SEC16B: variants seen among roughly 807,000 people sequenced by gnomAD.
The protein encoded by SEC16B is protein transport protein Sec16B.
Under a neutral mutation model 141.8 loss-of-function variants are expected in SEC16B, and 115 were observed. The ratio of observed to expected loss-of-function variants is 0.81; its 90% CI spans 0.70 to 0.95. SEC16B has a LOEUF of 0.95. SEC16B is among the 40% of genes least tolerant of loss of function. The pLI is 0.00. For synonymous variants in SEC16B, 493 were observed against 492.5 expected (o/e 1.00, Z -0.01); for missense variants, 1,291 against 1,312.3 (o/e 0.98, Z 0.25).
At chr1:177,936,441 G>T in intron 19 of SEC16B, 76 bp from the exon 20 acceptor site, 1 of 1,264,540 alleles carries the variant, frequency 7.9e-7, no homozygotes, top group Non-Finnish European at 1.1e-6. Context: ...GGGTAACTGG[G>T]ACACAATCAG....
At chr1:177,934,090 A>G (rs1263062906) in intron 20 of SEC16B, among the ~76,000 whole-genome samples, 1 of 151,820 alleles carries the variant, frequency 6.6e-6, no homozygotes, top group South Asian at 2.1e-4. Context: ...CTGTGAACAT[A>G]TGCACCAAAG....
At chr1:177,938,495 T>C (rs1651032428) in intron 18 of SEC16B, among the ~76,000 whole-genome samples, 1 of 152,258 alleles carries the variant, frequency 6.6e-6, no homozygotes, top group Non-Finnish European at 1.5e-5. Context: ...ACTTAAATTC[T>C]TGTCTTACCT....
intron 1 of SEC16B, among the ~76,000 whole-genome samples, chr1:177,975,336 A>T (rs1257339054): frequency 6.6e-6 from 1 of 152,228 alleles, no homozygotes; most frequent in East Asian, 1.9e-4. Context: ...GACACCTTAA[A>T]TGTATACCAG....
chr1:177,947,795 G>T (rs752266132), intron 13 of SEC16B, 30 bp downstream of exon 13: 4 of 1,405,298 alleles, frequency 2.8e-6, no homozygotes, highest in Non-Finnish European at 3.9e-6. Context: ...ACAGGGAGGG[G>T]AGCGGAGGGG....
intron 20 of SEC16B, among the ~76,000 whole-genome samples, chr1:177,934,804 G>T (rs962206185): frequency 6.6e-6 from 1 of 152,148 alleles, no homozygotes; most frequent in Non-Finnish European, 1.5e-5. Context: ...TGTTATATAT[G>T]AGTGAGAAAA....
chr1:177,942,893 C>T (rs1651390954), intron 15 of SEC16B, among the ~76,000 whole-genome samples: 1 of 152,122 alleles, frequency 6.6e-6, no homozygotes, highest in Non-Finnish European at 1.5e-5. Flanking sequence ...CTCTCTACAA[C>T]ATGGGAATAC....
Position 177,967,951 on chromosome 1 carries a change from G to C in SEC16B, c.31C>G (p.Gln11Glu), listed in dbSNP as rs1471867886. The change falls in exon 2 of 26, where the codon CAG (glutamine) becomes GAG (glutamate). Residue 11 changes from glutamine (Q) to glutamate (E), a missense_variant. Physicochemically the swap from Gln to Glu is conservative, Grantham distance 29. Coordinates refer to ENST00000308284, the MANE Select transcript of SEC16B (RefSeq NM_033127.4). MELWAPQRLP[Q>E]TRGKATAPSK... The stretch of plus-strand genomic sequence containing the variant: ...GGTGCTGTGGCCTTCCCTCGTGTCT[G>C]GGGCAGCCTCTGGGGAGCCCAAAGT... 1 of 1,611,884 alleles carries C rather than the reference G, an allele frequency of 6.2e-7. No homozygotes were observed. Among genetic ancestry groups the C allele is most frequent in the South Asian group, 1.1e-5 (1 of 90,986 alleles).
upstream of SEC16B, among the ~76,000 whole-genome samples, chr1:177,974,123 CT>C (rs5778969): frequency 0.31 from 46,976 of 150,014 alleles, 8,190 homozygotes; most frequent in East Asian, 0.5. Flanking sequence ...GAAATGCTAC[CT>C]TTTTTTTTTA....
Position 177,940,618 on chromosome 1 carries a change from G to A in SEC16B, c.2119C>T (p.Gln707Ter), listed in dbSNP as rs1280355421. Reference sequence around the variant, plus strand: ...GCTCCAATCCCACTCACCTCCAGCTGCCTCCGAAGTTGCGCTAGCCAATCT... The same window carrying A: ...GCTCCAATCCCACTCACCTCCAGCTACCTCCGAAGTTGCGCTAGCCAATCT... ...EPDWLAQLRR[Q>*]LEQKVAGDIG... Residue 707 changes from glutamine (Q) to a stop codon, truncating the protein, a stop_gained, in exon 17 of 26, where the codon CAG becomes TAG. Transcript: ENST00000308284. LOFTEE classifies it high-confidence loss of function. The A allele has an allele frequency of 1.9e-6, 3 of 1,612,908 alleles. No individual in the cohort carries two copies. The highest frequency in any genetic ancestry group is 1.7e-4 in the Middle Eastern group (1 of 6,028).
intron 24 of SEC16B, among the ~76,000 whole-genome samples, chr1:177,931,790 T>C (rs1331350900): frequency 6.6e-6 from 1 of 152,206 alleles, no homozygotes; most frequent in East Asian, 1.9e-4. Context: ...AAGAGTTATC[T>C]AACCAGACTT....
intron 1 of SEC16B, among the ~76,000 whole-genome samples, chr1:177,981,774 A>G (rs939987485): frequency 1.3e-5 from 2 of 152,308 alleles, no homozygotes; most frequent in African/African-American, 4.8e-5. Flanking sequence ...AGGACAATGT[A>G]CTGGAGGTGT....
intron 16 of SEC16B, 64 bp downstream of exon 16, chr1:177,941,836 C>G: frequency 6.4e-7 from 1 of 1,563,970 alleles, no homozygotes; most frequent in South Asian, 1.2e-5. Flanking sequence ...CTAAGCTGCT[C>G]TACGATGGCT....
intron 1 of SEC16B, among the ~76,000 whole-genome samples, chr1:177,981,472 C>T (rs1421701353): frequency 1.3e-5 from 2 of 152,138 alleles, no homozygotes; most frequent in Admixed American, 1.3e-4. Context: ...AGAATGTCAA[C>T]CTACAGCAGC....
At chr1:177,972,303 G>A (rs1653994555), upstream of SEC16B, among the ~76,000 whole-genome samples, 2 of 152,220 alleles carry the variant, frequency 1.3e-5, no homozygotes, top group African/African-American at 4.8e-5. Flanking sequence ...AAAGGGTTTA[G>A]GATTTATCAT....
At position 177,939,635 on chromosome 1, in the gene SEC16B, A is replaced by G. The variant is rs868857247; in HGVS notation, c.2203+67T>C. 39 of 1,319,684 alleles carry G rather than the reference A, an allele frequency of 3.0e-5. 1 individual carries two copies. The Middle Eastern group carries it at 4.9e-3, about 165-fold the overall frequency. 81.7% of individuals were successfully genotyped at this position (1,319,684 alleles called of 1,614,324 possible). A position where few individuals can be genotyped will look rare whatever the true frequency, so the allele number is the denominator to read the frequency against. ...CAAAGGGCGAGTGCTTTCATAAATT[A>G]CTTTGTCTCGTAGAATCAGATCCTG... On this transcript the variant is annotated intron_variant, in intron 18 of 25. Coordinates refer to ENST00000308284, the MANE Select transcript of SEC16B (RefSeq NM_033127.4).
At position 177,933,490 on chromosome 1, in the gene SEC16B, A is replaced by G. The variant is rs1048268784; in HGVS notation, c.2718T>C (p.His906=). ...GAAGAACAAGTCCCTCCACCTTTGT[A>G]TGCTCCTTCCCATCTCCGAGCTTGC... ...QRGKLGDGKE[H]TKSSGFGWFS... Residue 906 remains histidine, a synonymous_variant, in exon 21 of 26, where the codon CAT becomes CAC. Transcript: ENST00000308284. The G allele has an allele frequency of 1.9e-6, 3 of 1,612,934 alleles. No homozygotes were observed. Among genetic ancestry groups the G allele is most frequent in the Non-Finnish European group, 2.5e-6 (3 of 1,179,496 alleles).
intron 19 of SEC16B, among the ~76,000 whole-genome samples, chr1:177,936,979 A>T (rs1326941233): frequency 6.6e-6 from 1 of 152,140 alleles, no homozygotes. Context: ...GCCCTGCTGT[A>T]CCCAGTGGAG....
In SEC16B at chr1:177,967,715, G is replaced by A. The variant is rs537074853; in HGVS notation, c.267C>T (p.Tyr89=). Residue 89 remains tyrosine, a synonymous_variant, in exon 2 of 26, where the codon TAC becomes TAT. Coordinates refer to ENST00000308284, the MANE Select transcript of SEC16B (RefSeq NM_033127.4). ...ACAACTGATTGCGATAACCACCTTC[G>A]TAATAGTCAACTCCAGACACAGGCT... ...WHQPVSGVDY[Y]EGGYRNQLYS... 50 of 1,608,790 alleles carry A rather than the reference G, an allele frequency of 3.1e-5. 1 individual carries two copies. The highest frequency in any genetic ancestry group is 1.4e-4 in the South Asian group (13 of 90,852).
intron 23 of SEC16B, 25 bp from the exon 24 acceptor site, chr1:177,932,594 T>A: frequency 6.5e-7 from 1 of 1,538,158 alleles, no homozygotes; most frequent in Non-Finnish European, 8.8e-7. Context: ...GGCAGAGCTG[T>A]TTCCTCTGCT....
Sources: allele counts gnomAD v4.1 joint callset (sites outside exome capture counted in the v4.1 genomes callset), GRCh38; gene constraint gnomAD v4.1.1; transcripts MANE v1.5; gene names NCBI Gene and HGNC (gene_info 2026-07-23, HGNC 2026-07-21).